The following FECH variants were observed in gnomAD, a reference collection of about 807,000 sequenced individuals.
FECH encodes ferrochelatase, mitochondrial.
In FECH, 40 loss-of-function variants were observed where a neutral mutation model predicts 56.9. That is an observed-to-expected ratio of 0.70 (90% CI 0.55 to 0.92). The LOEUF (loss-of-function observed/expected upper bound fraction) is 0.92, where lower values mean the gene tolerates loss of function less well. FECH is among the 40% of genes least tolerant of loss of function. FECH has a pLI of 0.00. For synonymous variants in FECH, 175 were observed against 198.6 expected, an observed-to-expected ratio of 0.88 and a Z score of 1.00; for missense variants, 431 against 529.1, an observed-to-expected ratio of 0.81 and a Z score of 1.82.
intron 3 of FECH, among the ~76,000 whole-genome samples, chr18:57,572,544 T>C (rs2051125969): frequency 7.9e-6 from 1 of 127,206 alleles, no homozygotes. Context: ...AAAAGGAAAG[T>C]TTCAAATATA....
intron 6 of FECH, among the ~76,000 whole-genome samples, chr18:57,560,606 G>C (rs72940343): frequency 1.3e-5 from 2 of 152,134 alleles, no homozygotes; most frequent in Non-Finnish European, 2.9e-5. Flanking sequence ...AGCTATGATC[G>C]TTCCACTCAA....
At chr18:57,572,940 G>T in intron 3 of FECH, 1 of 341,518 alleles carries the variant, frequency 2.9e-6, no homozygotes, top group Non-Finnish European at 5.5e-6. Context: ...TTAATCAGCC[G>T]TTAAGTGACA....
intron 3 of FECH, among the ~76,000 whole-genome samples, chr18:57,572,599 G>GGT (rs1474773905): frequency 8.7e-5 from 11 of 126,902 alleles, no homozygotes; most frequent in Middle Eastern, 3.9e-3. Flanking sequence ...GGGGGGGGGG[G>GGT]TGTGCATGTG....
chr18:57,562,664 G>A (rs1598991298), intron 6 of FECH, among the ~76,000 whole-genome samples: 1 of 152,290 alleles, frequency 6.6e-6, no homozygotes, highest in Admixed American at 6.5e-5. Flanking sequence ...GCATTAATCT[G>A]AAGAAAGAAG....
intron 5 of FECH, among the ~76,000 whole-genome samples, chr18:57,564,901 A>C (rs1213605313): frequency 6.6e-6 from 1 of 152,248 alleles, no homozygotes; most frequent in African/African-American, 2.4e-5. Context: ...TGTGATAAAG[A>C]CACACACTGG....
In FECH at chr18:57,550,783, G is replaced by A. The variant is rs1222302788; in HGVS notation, c.1201C>T (p.Leu401=). The A allele has an allele frequency of 6.2e-7, 1 of 1,614,182 alleles. No individual in the cohort carries two copies. The highest frequency in any genetic ancestry group is 8.5e-7 in the Non-Finnish European group (1 of 1,180,020). ...SNELCSKQLT[L]SCPLCVNPVC... The stretch of plus-strand genomic sequence containing the variant: ...GGATTGACACAGAGCGGACAGCTCA[G>A]GGTCAGCTGCTTGGAACACAGCTCG... Residue 401 remains leucine (L), a synonymous_variant, in exon 11 of 11, where the codon CTG becomes TTG. Transcript: ENST00000262093.
At chr18:57,581,274 C>T (rs777376377) in intron 1 of FECH, among the ~76,000 whole-genome samples, 1 of 152,208 alleles carries the variant, frequency 6.6e-6, no homozygotes, top group Non-Finnish European at 1.5e-5. Flanking sequence ...ATACCCTTGT[C>T]CTGGGCCCCA....
intron 1 of FECH, among the ~76,000 whole-genome samples, chr18:57,582,977 T>A (rs1485131851): frequency 6.6e-6 from 1 of 152,040 alleles, no homozygotes; most frequent in Non-Finnish European, 1.5e-5. Flanking sequence ...GATGAGGATT[T>A]CCTAATAAAT....
chr18:57,551,036 C>G, intron 10 of FECH, 190 bp from the exon 11 acceptor site: 1 of 715,416 alleles, frequency 1.4e-6, no homozygotes, highest in Non-Finnish European at 2.3e-6. Context: ...AAAGTTAAAA[C>G]AGAGATTTCA....
intron 3 of FECH, among the ~76,000 whole-genome samples, chr18:57,572,415 A>G (rs2051123067): frequency 7.0e-6 from 1 of 142,158 alleles, no homozygotes; most frequent in African/African-American, 2.6e-5. Context: ...CCTATCGTGG[A>G]GTGGGGGGAG....
intron 3 of FECH, 64 bp from the exon 4 acceptor site, chr18:57,571,604 C>A: frequency 6.2e-7 from 1 of 1,612,892 alleles, no homozygotes; most frequent in East Asian, 2.2e-5. Flanking sequence ...GAAATGTTTT[C>A]TACTCAATAA....
Position 57,546,743 on chromosome 18 carries a change from G to A in FECH, c.*3969C>T, listed in dbSNP as rs1372664953. Among the ~76,000 whole-genome samples the A allele has an allele frequency of 6.6e-6, 1 of 151,536 alleles. No homozygotes were observed. Among genetic ancestry groups the A allele is most frequent in the Non-Finnish European group, 1.5e-5 (1 of 67,882 alleles). ...TCAGAGGCTGAGGCGGGTGGATCAC[G>A]AGGTCAGGAATTAGAGACCAGCCTG... On this transcript the variant is annotated 3_prime_UTR_variant, in exon 11 of 11. Coordinates refer to ENST00000262093, the MANE Select transcript of FECH (RefSeq NM_000140.5).
Position 57,547,873 on chromosome 18 carries a change from C to A in FECH, c.*2839G>T, listed in dbSNP as rs1184369220. ...CTGGTCTTGAACTCTTGGGATCAAGCAATCCTCCAACCTTGGCCTTCCAAA... is the reference window on the plus strand; with the variant it reads ...CTGGTCTTGAACTCTTGGGATCAAGAAATCCTCCAACCTTGGCCTTCCAAA... On this transcript the variant is annotated 3_prime_UTR_variant, in exon 11 of 11. Coordinates refer to ENST00000262093, the MANE Select transcript of FECH (RefSeq NM_000140.5). 6.6e-6 allele frequency among the ~76,000 whole-genome samples: 1 copy of A among 152,090 alleles called. No individual in the cohort carries two copies. The highest frequency in any genetic ancestry group is 1.5e-5 in the Non-Finnish European group (1 of 68,014).
At chr18:57,557,352 T>A (rs1030714542) in intron 7 of FECH, among the ~76,000 whole-genome samples, 21 of 152,146 alleles carry the variant, frequency 1.4e-4, no homozygotes, top group African/African-American at 4.6e-4. Context: ...GTCCTCCCCA[T>A]ACCTGACTTA....
rs148123079 is a variant in FECH, at chr18:57,570,933, C to T, written c.463+459G>A. 1.9e-4 allele frequency among the ~76,000 whole-genome samples: 29 copies of T among 152,324 alleles called. 1 individual carries two copies. In the East Asian group the frequency reaches 4.6e-3, roughly 24 times the overall value. ...ATTCTGAGAGCTGAAAGCATCACTG[C>T]GAGTTGCTTACTGTCCTGTGGCTTC... On this transcript the variant is annotated intron_variant, in intron 4 of 10. Coordinates refer to ENST00000262093, the MANE Select transcript of FECH (RefSeq NM_000140.5).
chr18:57,547,700 A>G lies in FECH; in HGVS notation c.*3012T>C, dbSNP rs1039700275. On this transcript the variant is annotated 3_prime_UTR_variant, in exon 11 of 11. Transcript: ENST00000262093. ...CAGGCTGGAGTGCAGTGGTGCAATC[A>G]CACCTCACTGCAACCTCAAACTGCT... is the stretch of plus-strand genomic sequence containing the variant. 1.3e-5 allele frequency among the ~76,000 whole-genome samples: 2 copies of G among 151,948 alleles called. No individual in the cohort carries two copies. Among genetic ancestry groups the G allele is most frequent in the African/African-American group, 4.8e-5 (2 of 41,356 alleles).
chr18:57,552,950 C>T (rs1179145211), intron 9 of FECH, among the ~76,000 whole-genome samples: 1 of 152,166 alleles, frequency 6.6e-6, no homozygotes, highest in African/African-American at 2.4e-5. Flanking sequence ...GTAGTCCCAG[C>T]TACTCAGGTA....
At chr18:57,570,962 G>A (rs781406527) in intron 4 of FECH, among the ~76,000 whole-genome samples, 31 of 152,228 alleles carry the variant, frequency 2.0e-4, no homozygotes, top group Non-Finnish European at 3.8e-4. Context: ...TGGCTTCCAT[G>A]ATAGCTAGCT....
intron 3 of FECH, among the ~76,000 whole-genome samples, chr18:57,572,412 TGGAGTGGGG>T (rs978764746): frequency 3.5e-5 from 5 of 144,530 alleles, no homozygotes; most frequent in Non-Finnish European, 6.0e-5. Context: ...GGGCCTATCG[TGGAGTGGGG>T]GGAGAGGGGA....
Sources: allele counts gnomAD v4.1 joint callset (sites outside exome capture counted in the v4.1 genomes callset), GRCh38; gene constraint gnomAD v4.1.1; transcripts MANE v1.5; gene names NCBI Gene and HGNC (gene_info 2026-07-23, HGNC 2026-07-21).